ADAMTS19: variants seen among roughly 807,000 people sequenced by gnomAD.
ADAMTS19 encodes A disintegrin and metalloproteinase with thrombospondin motifs 19.
Under a neutral mutation model 153.3 loss-of-function variants are expected in ADAMTS19, and 93 were observed. That is an observed-to-expected ratio of 0.61 (90% CI 0.51 to 0.72). The LOEUF (loss-of-function observed/expected upper bound fraction) is 0.72, where lower values mean the gene tolerates loss of function less well. ADAMTS19 is among the 30% of genes least tolerant of loss of function. The probability of loss-of-function intolerance (pLI) is 0.00; values close to 1 mark genes in which losing one functional copy is unlikely to be tolerated. For synonymous variants in ADAMTS19, 600 were observed against 556.6 expected (o/e 1.08, Z -1.10); for missense variants, 1,482 against 1,552.1 (o/e 0.95, Z 0.76).
intron 21 of ADAMTS19, among the ~76,000 whole-genome samples, chr5:129,729,571 T>C (rs1366008818): frequency 6.6e-6 from 1 of 152,014 alleles, no homozygotes; most frequent in Non-Finnish European, 1.5e-5. Context: ...CAGAAAATTA[T>C]ACTGTTTTAG....
intron 2 of ADAMTS19, among the ~76,000 whole-genome samples, chr5:129,492,506 AGTGTGTGTGT>A (rs148015134): frequency 6.8e-6 from 1 of 146,352 alleles, no homozygotes; most frequent in Non-Finnish European, 1.5e-5. Flanking sequence ...ATTAAAGGTC[AGTGTGTGTGT>A]GTGTGTGTGT....
At chr5:129,598,390 G>A (rs1018390454) in intron 8 of ADAMTS19, among the ~76,000 whole-genome samples, 6 of 152,124 alleles carry the variant, frequency 3.9e-5, no homozygotes, top group Admixed American at 2.6e-4. Flanking sequence ...GAATTTGATT[G>A]GTAAAGGAAA....
chr5:129,679,826 T>C lies in ADAMTS19; in HGVS notation c.2569T>C (p.Phe857Leu). The C allele has an allele frequency of 6.2e-7, 1 of 1,614,008 alleles. No individual in the cohort carries two copies. The highest frequency in any genetic ancestry group is 2.2e-5 in the East Asian group (1 of 44,858). Reference protein sequence around the residue: ...SDWKIEHSGAFNLAGTTVHYV... With the variant: ...SDWKIEHSGALNLAGTTVHYV... ...CTGGAAGATTGAACACTCTGGAGCC[T>C]TCAATTTGGCTGGAACTACCGTTCA... The change falls in exon 17 of 23, where the codon TTC (phenylalanine) becomes CTC (leucine). Residue 857 changes from phenylalanine (F) to leucine (L), a missense_variant. Around this residue, in one of 2 missense-constraint regions of ADAMTS19, gnomAD observed 616 missense variants for 724.4 expected, o/e 0.85. Coordinates refer to ENST00000274487, the MANE Select transcript of ADAMTS19 (RefSeq NM_133638.6).
chr5:129,522,982 G>A (rs901947961), intron 3 of ADAMTS19, among the ~76,000 whole-genome samples: 1 of 151,414 alleles, frequency 6.6e-6, no homozygotes, highest in Non-Finnish European at 1.5e-5. Context: ...CGAGAACCCA[G>A]AGGCAGAGGT....
intron 18 of ADAMTS19, among the ~76,000 whole-genome samples, chr5:129,690,506 T>G (rs1755284779): frequency 6.6e-6 from 1 of 152,180 alleles, no homozygotes; most frequent in South Asian, 2.1e-4. Flanking sequence ...TATTAGGTGT[T>G]GTGAACAAAG....
intron 21 of ADAMTS19, among the ~76,000 whole-genome samples, chr5:129,715,514 G>T (rs80316448): frequency 6.6e-6 from 1 of 152,132 alleles, no homozygotes; most frequent in Non-Finnish European, 1.5e-5. Flanking sequence ...GGCTATATTC[G>T]AATTGTAGTA....
intron 3 of ADAMTS19, among the ~76,000 whole-genome samples, chr5:129,525,155 G>T (rs1751963698): frequency 6.6e-6 from 1 of 152,044 alleles, no homozygotes; most frequent in Admixed American, 6.6e-5. Context: ...ATGCATTTCT[G>T]ATGGCTGTAT....
chr5:129,607,943 A>G (rs1443190759), intron 8 of ADAMTS19, among the ~76,000 whole-genome samples: 1 of 147,816 alleles, frequency 6.8e-6, no homozygotes, highest in Non-Finnish European at 1.5e-5. Flanking sequence ...GTGTGTGTGT[A>G]TGCATATATA....
rs1382679954 is a variant in ADAMTS19 at position 129,595,991 on chromosome 5, C to T, written c.1373-568C>T. On this transcript the variant is annotated intron_variant, in intron 7 of 22. Transcript: ENST00000274487. ...TCAGTATCATATACTATGCAACACA[C>T]CATTTAGCCAAGAAATTTTCAAATA... is the stretch of plus-strand genomic sequence containing the variant. Among the ~76,000 whole-genome samples the T allele has an allele frequency of 3.9e-5, 6 of 151,920 alleles. No individual in the cohort carries two copies. In the South Asian group the frequency reaches 1.0e-3, roughly 26 times the overall value.
chr5:129,728,372 T>A (rs1433415026), intron 21 of ADAMTS19, among the ~76,000 whole-genome samples: 1 of 152,174 alleles, frequency 6.6e-6, no homozygotes, highest in Admixed American at 6.6e-5. Flanking sequence ...CTTCTTTTTT[T>A]AAATTATACT....
chr5:129,506,061 T>G (rs1751259670), intron 2 of ADAMTS19, among the ~76,000 whole-genome samples: 1 of 152,200 alleles, frequency 6.6e-6, no homozygotes, highest in Non-Finnish European at 1.5e-5. Context: ...AAGGTTAATA[T>G]GGGTTCATGT....
chr5:129,733,460 CA>C (rs201922427), intron 21 of ADAMTS19, among the ~76,000 whole-genome samples: 2,390 of 151,610 alleles, frequency 0.016, 62 homozygotes, highest in African/African-American at 0.053. Flanking sequence ...ACTCAACAAA[CA>C]AAAAAACAAC....
rs1342995878 is a variant in ADAMTS19 at position 129,495,506 on chromosome 5, C to T, written c.748-13571C>T. Among the ~76,000 whole-genome samples, 8 of 152,072 alleles carry T rather than the reference C, an allele frequency of 5.3e-5. No homozygotes were observed. The East Asian group carries it at 1.6e-3, about 30-fold the overall frequency. ...AGGTGCTTAAGATACAGAATCAGAACTCAGGGTATATAGTTATGGTGAGGA... is the reference window on the plus strand; with the variant it reads ...AGGTGCTTAAGATACAGAATCAGAATTCAGGGTATATAGTTATGGTGAGGA... On this transcript the variant is annotated intron_variant, in intron 2 of 22. Coordinates refer to ENST00000274487, the MANE Select transcript of ADAMTS19 (RefSeq NM_133638.6).
chr5:129,484,701 TATA>T (rs201350146), intron 2 of ADAMTS19, among the ~76,000 whole-genome samples: 2,659 of 152,208 alleles, frequency 0.017, 37 homozygotes, highest in Non-Finnish European at 0.027. Flanking sequence ...TTATAAGCAA[TATA>T]ATAATGATGA....
chr5:129,601,901 T>G (rs941768825), intron 8 of ADAMTS19, among the ~76,000 whole-genome samples: 2 of 152,146 alleles, frequency 1.3e-5, no homozygotes, highest in African/African-American at 4.8e-5. Flanking sequence ...TAAATCACAT[T>G]GTTAGCAAAA....
Position 129,661,314 on chromosome 5 carries a change from T to C in ADAMTS19, c.2425+2577T>C, listed in dbSNP as rs75414043. 4.2e-3 allele frequency among the ~76,000 whole-genome samples: 638 copies of C among 152,358 alleles called. 4 individuals carry two copies. Among genetic ancestry groups the C allele is most frequent in the East Asian group, 0.02 (104 of 5,188 alleles). ...TAGTATGCGATCCATTAATATTTGC[T>C]AATTTAATAATGAAATGTTAAATTT... On this transcript the variant is annotated intron_variant, in intron 15 of 22. Transcript: ENST00000274487.
chr5:129,586,983 T>C (rs929331508), intron 7 of ADAMTS19, among the ~76,000 whole-genome samples: 9 of 152,236 alleles, frequency 5.9e-5, no homozygotes, highest in Non-Finnish European at 1.3e-4. Context: ...CCTGTGATTG[T>C]GTCTCACATG....
chr5:129,635,887 G>A (rs1397617613), intron 10 of ADAMTS19, among the ~76,000 whole-genome samples: 4 of 151,912 alleles, frequency 2.6e-5, no homozygotes, highest in South Asian at 2.1e-4. Context: ...GAACTTAAAC[G>A]TTCAATTTAT....
At chr5:129,603,428 T>C (rs1009529840) in intron 8 of ADAMTS19, among the ~76,000 whole-genome samples, 2 of 152,230 alleles carry the variant, frequency 1.3e-5, no homozygotes, top group African/African-American at 4.8e-5. Flanking sequence ...GATTATTTTG[T>C]TATATAAATA....
Sources: allele counts gnomAD v4.1 joint callset (sites outside exome capture counted in the v4.1 genomes callset), GRCh38; gene constraint gnomAD v4.1.1; regional missense constraint gnomAD v4.1.1; transcripts MANE v1.5; gene names NCBI Gene and HGNC (gene_info 2026-07-23, HGNC 2026-07-21).